FRMD3: variants seen among roughly 807,000 people sequenced by gnomAD.
The protein encoded by FRMD3 is FERM domain containing 3.
A neutral mutation model predicts 70.2 loss-of-function variants in FRMD3; 33 were observed. The observed-to-expected ratio is 0.47, with a 90% CI of 0.36 to 0.63. FRMD3 has a LOEUF of 0.63. FRMD3 is among the 20% of genes least tolerant of loss of function. The pLI is 0.00. For synonymous variants in FRMD3, 279 were observed against 255.9 expected, an observed-to-expected ratio of 1.09 and a Z score of -0.86; for missense variants, 632 against 711.4, an observed-to-expected ratio of 0.89 and a Z score of 1.27.
intron 1 of FRMD3, among the ~76,000 whole-genome samples, chr9:83,486,714 G>A (rs10780605): frequency 0.18 from 27,129 of 152,034 alleles, 2,981 homozygotes; most frequent in African/African-American, 0.3. Context: ...AGAAACTATG[G>A]GCCTGGTTCC....
At chr9:83,266,965 C>A (rs1467571446) in intron 13 of FRMD3, 2 of 1,533,866 alleles carry the variant, frequency 1.3e-6, no homozygotes, top group Non-Finnish European at 1.8e-6. Flanking sequence ...AAGCTGGAAG[C>A]CCGCACACTT....
rs1444079303 is a variant in FRMD3 at position 83,349,746 on chromosome 9, A to G, written c.307T>C (p.Tyr103His). ...IFKQMKTHPP[Y>H]TMCFRVKFYP... ...AATTTCACTCTAAAGCACATGGTGT[A>G]TGGTGGATGAGCTGAAACATCATAA... The change falls in exon 4 of 14, where the codon TAC becomes CAC. Residue 103 changes from tyrosine (Y) to histidine (H), a missense_variant. Tyr to His is a moderately conservative substitution (Grantham distance 83). Transcript: ENST00000304195. 1 of 1,610,424 alleles carries G rather than the reference A, an allele frequency of 6.2e-7. No homozygotes were observed. Among genetic ancestry groups the G allele is most frequent in the East Asian group, 2.2e-5 (1 of 44,860 alleles).
At chr9:83,433,250 T>G (rs978060629) in intron 1 of FRMD3, among the ~76,000 whole-genome samples, 1 of 152,258 alleles carries the variant, frequency 6.6e-6, no homozygotes, top group Non-Finnish European at 1.5e-5. Flanking sequence ...AATGCATGCT[T>G]AGTTCATGAT....
chr9:83,465,047 A>C (rs59421235), intron 1 of FRMD3, among the ~76,000 whole-genome samples: 18,930 of 98,008 alleles, frequency 0.19, 1,454 homozygotes, highest in South Asian at 0.27. Flanking sequence ...AAAGAAGAAG[A>C]AGCAGCAGCT....
At chr9:83,318,572 G>A (rs796656538) in intron 6 of FRMD3, among the ~76,000 whole-genome samples, 3 of 151,942 alleles carry the variant, frequency 2.0e-5, no homozygotes, top group East Asian at 3.9e-4. Context: ...TATTTGCCAT[G>A]GTGAATAGTG....
At chr9:83,461,665 C>CTTTTTTTTTTTTTTTTTTT in intron 1 of FRMD3, among the ~76,000 whole-genome samples, 1 of 70,696 alleles carries the variant, frequency 1.4e-5, no homozygotes, top group Non-Finnish European at 2.6e-5. Flanking sequence ...AGGAATTTCC[C>CTTTTTTTTTTTTTTTTTTT]TTTTTTTTTT....
intron 1 of FRMD3, among the ~76,000 whole-genome samples, chr9:83,437,721 C>T (rs530042361): frequency 5.4e-4 from 82 of 152,130 alleles, no homozygotes; most frequent in Admixed American, 7.9e-4. Context: ...GGCACACAGA[C>T]GTGGGTCTTC....
intron 1 of FRMD3, among the ~76,000 whole-genome samples, chr9:83,528,332 C>T (rs1047815613): frequency 3.3e-5 from 5 of 151,888 alleles, no homozygotes; most frequent in Admixed American, 6.6e-5. Context: ...TGCATAGTTA[C>T]TACTAAGAAT....
intron 1 of FRMD3, among the ~76,000 whole-genome samples, chr9:83,530,799 T>C (rs1829778200): frequency 1.3e-5 from 2 of 152,162 alleles, no homozygotes; most frequent in South Asian, 4.1e-4. Flanking sequence ...AGACAAAGCA[T>C]CTACAGTAGG....
intron 1 of FRMD3, among the ~76,000 whole-genome samples, chr9:83,408,796 G>A (rs1288079309): frequency 6.6e-6 from 1 of 152,102 alleles, no homozygotes; most frequent in Non-Finnish European, 1.5e-5. Flanking sequence ...TGCTACCACA[G>A]GCACCCTCGG....
At chr9:83,488,255 C>G (rs1828730853) in intron 1 of FRMD3, among the ~76,000 whole-genome samples, 1 of 152,206 alleles carries the variant, frequency 6.6e-6, no homozygotes, top group Admixed American at 6.5e-5. Context: ...TCCTTTCAAA[C>G]TTGGTTCCTC....
At chr9:83,500,500 G>GCACACACACA (rs377538475) in intron 1 of FRMD3, among the ~76,000 whole-genome samples, 4,375 of 136,624 alleles carry the variant, frequency 0.032, 147 homozygotes, top group African/African-American at 0.076. Flanking sequence ...GCGTGTATGC[G>GCACACACACA]CGCACACACA....
chr9:83,434,706 G>A (rs567482092), intron 1 of FRMD3, among the ~76,000 whole-genome samples: 1 of 152,006 alleles, frequency 6.6e-6, no homozygotes, highest in African/African-American at 2.4e-5. Flanking sequence ...GGAGGTCAAG[G>A]AGAAAAGAAG....
At chr9:83,322,274 C>A (rs1835830478) in intron 6 of FRMD3, among the ~76,000 whole-genome samples, 1 of 152,140 alleles carries the variant, frequency 6.6e-6, no homozygotes, top group Non-Finnish European at 1.5e-5. Flanking sequence ...ACCACATCAA[C>A]CCAAACAGTC....
Position 83,538,190 on chromosome 9 carries a change from G to C in FRMD3, c.42C>G (p.Thr14=), listed in dbSNP as rs563810567. The change falls in exon 1 of 14, where the codon ACC becomes ACG. Residue 14 remains threonine (T), a synonymous_variant. Coordinates refer to ENST00000304195, the MANE Select transcript of FRMD3 (RefSeq NM_174938.6). This position sits in a 1 kb window ranked among gnomAD's most constrained non-coding sequence, Gnocchi z 4.7. ...SCHCVPRGRR[T]MKMIHFRSSS... ...AGCTCCGAAAGTGGATCATTTTCAT[G>C]GTCCTCCTGCCTCTCGGCACACAGT... 7 of 1,603,112 alleles carry C rather than the reference G, an allele frequency of 4.4e-6. No homozygotes were observed. The Admixed American group carries it at 5.1e-5, about 12-fold the overall frequency.
At chr9:83,374,503 T>G (rs1358874916) in intron 2 of FRMD3, among the ~76,000 whole-genome samples, 1 of 152,154 alleles carries the variant, frequency 6.6e-6, no homozygotes, top group African/African-American at 2.4e-5. Flanking sequence ...TGCCTTCTAA[T>G]TAGAAGTTAT....
intron 1 of FRMD3, among the ~76,000 whole-genome samples, chr9:83,514,583 G>A (rs1273608576): frequency 6.6e-6 from 1 of 152,148 alleles, no homozygotes; most frequent in East Asian, 1.9e-4. Context: ...AAGAGAGCAG[G>A]GATCTCCTAG....
At chr9:83,334,961 C>A (rs1823527333) in intron 6 of FRMD3, among the ~76,000 whole-genome samples, 2 of 152,152 alleles carry the variant, frequency 1.3e-5, no homozygotes, top group South Asian at 4.1e-4. Flanking sequence ...GTGCAAAGTG[C>A]TTAGAACAGT....
intron 3 of FRMD3, among the ~76,000 whole-genome samples, chr9:83,353,263 C>T (rs538599876): frequency 8.6e-4 from 103 of 119,932 alleles, no homozygotes; most frequent in Non-Finnish European, 1.5e-3. Flanking sequence ...CCAGGCCTGA[C>T]GAGGCCACTG....
Sources: allele counts gnomAD v4.1 joint callset (sites outside exome capture counted in the v4.1 genomes callset), GRCh38; gene constraint gnomAD v4.1.1; non-coding constraint Gnocchi (gnomAD v3.1); transcripts MANE v1.5; gene names NCBI Gene and HGNC (gene_info 2026-07-23, HGNC 2026-07-21).